PLCG2: variants seen among roughly 807,000 people sequenced by gnomAD.
PLCG2 encodes 1-phosphatidylinositol 4,5-bisphosphate phosphodiesterase gamma-2.
A neutral mutation model predicts 175.6 loss-of-function variants in PLCG2; 69 were observed. That is an observed-to-expected ratio of 0.39 (90% CI 0.32 to 0.48). PLCG2 has a LOEUF of 0.48. Ranked by LOEUF, PLCG2 falls within the 20% of genes least tolerant of loss-of-function variation. PLCG2 has a pLI of 0.91. For synonymous variants in PLCG2, 827 were observed against 624.0 expected (o/e 1.33, Z -4.85); for missense variants, 1,798 against 1,650.9 (o/e 1.09, Z -1.54).
chr16:81,927,134 G>T lies in PLCG2; in HGVS notation c.2470G>T (p.Val824Phe). The T allele has an allele frequency of 6.2e-7, 1 of 1,613,996 alleles. No homozygotes were observed. The change falls in exon 23 of 33, where the codon GTC becomes TTC. Residue 824 changes from valine (V) to phenylalanine (F), a missense_variant. Physicochemically the swap from Val to Phe is conservative, Grantham distance 50 (BLOSUM62 -1). Transcript: ENST00000564138. The stretch of plus-strand genomic sequence containing the variant: ...CCAGCAGTACTTCCCATCCAACTAC[G>T]TCGAGGACATCTCAACTGCAGACTT... ...RIQQYFPSNY[V>F]EDISTADFEE...
chr16:81,797,300 C>G (rs1911513364), intron 2 of PLCG2, among the ~76,000 whole-genome samples: 2 of 152,124 alleles, frequency 1.3e-5, no homozygotes, highest in Admixed American at 1.3e-4. Context: ...AAAATTATCT[C>G]CACTACCTGT....
At chr16:81,836,463 G>A (rs998303005) in intron 2 of PLCG2, among the ~76,000 whole-genome samples, 1 of 152,134 alleles carries the variant, frequency 6.6e-6, no homozygotes, top group Admixed American at 6.5e-5. Flanking sequence ...GCTTTGGGCC[G>A]GGCAAGGTGA....
At chr16:81,876,038 G>GTTTT (rs1567511018) in intron 7 of PLCG2, among the ~76,000 whole-genome samples, 2 of 86,212 alleles carry the variant, frequency 2.3e-5, no homozygotes. Context: ...TTTTTTTTTT[G>GTTTT]TTTTTGAGAC....
chr16:81,884,123 G>A (rs1439971282), intron 9 of PLCG2, among the ~76,000 whole-genome samples: 1 of 152,202 alleles, frequency 6.6e-6, no homozygotes, highest in Non-Finnish European at 1.5e-5. Flanking sequence ...GGCCGAGGCG[G>A]GCGGATCACT....
intron 18 of PLCG2, among the ~76,000 whole-genome samples, chr16:81,911,782 T>G (rs1180896158): frequency 6.8e-6 from 1 of 147,838 alleles, no homozygotes; most frequent in African/African-American, 2.5e-5. Flanking sequence ...GGCTAATTTT[T>G]GTATTTCCTT....
chr16:81,942,648 G>A (rs1910991719), intron 30 of PLCG2, among the ~76,000 whole-genome samples: 1 of 152,140 alleles, frequency 6.6e-6, no homozygotes, highest in Non-Finnish European at 1.5e-5. Context: ...CAGTAATCCT[G>A]TGAAAGGGGT....
chr16:81,793,416 T>A (rs1025731235), intron 2 of PLCG2, among the ~76,000 whole-genome samples: 1 of 152,218 alleles, frequency 6.6e-6, no homozygotes, highest in Non-Finnish European at 1.5e-5. Flanking sequence ...GCTTGGATTT[T>A]GTCTCAGGAG....
At chr16:81,895,734 G>A (rs1908853950) in intron 12 of PLCG2, 73 bp from the exon 13 acceptor site, 4 of 1,572,848 alleles carry the variant, frequency 2.5e-6, no homozygotes, top group Non-Finnish European at 3.5e-6. Flanking sequence ...GAACTGGTGT[G>A]TGGGCCGGGG....
At chr16:81,840,958 G>A (rs1321530174) in intron 2 of PLCG2, among the ~76,000 whole-genome samples, 1 of 152,178 alleles carries the variant, frequency 6.6e-6, no homozygotes, top group Non-Finnish European at 1.5e-5. Context: ...GGGGAGAGAA[G>A]CACCAGTTTC....
At chr16:81,758,170 G>A (rs1157209200) in intron 2 of PLCG2, among the ~76,000 whole-genome samples, 1 of 152,090 alleles carries the variant, frequency 6.6e-6, no homozygotes, top group Non-Finnish European at 1.5e-5. Context: ...CAGAGATGGG[G>A]TTTCGCGGTG....
At chr16:81,804,927 C>G (rs1443905449) in intron 2 of PLCG2, among the ~76,000 whole-genome samples, 1 of 152,182 alleles carries the variant, frequency 6.6e-6, no homozygotes, top group Non-Finnish European at 1.5e-5. Flanking sequence ...TCACATGTAT[C>G]CATGTGATCA....
At chr16:81,887,151 G>T (rs185089332) in intron 9 of PLCG2, among the ~76,000 whole-genome samples, 1 of 149,832 alleles carries the variant, frequency 6.7e-6, no homozygotes, top group Non-Finnish European at 1.5e-5. Flanking sequence ...ATGGAGTCTC[G>T]CTCTGTCACA....
chr16:81,781,677 G>C (rs1209650163), intron 1 of PLCG2, among the ~76,000 whole-genome samples: 3 of 152,296 alleles, frequency 2.0e-5, no homozygotes, highest in South Asian at 2.1e-4. Context: ...AGGTGCAGCA[G>C]TAATGTCCCT....
intron 9 of PLCG2, among the ~76,000 whole-genome samples, chr16:81,888,660 C>T (rs1231910293): frequency 6.6e-6 from 1 of 152,180 alleles, no homozygotes; most frequent in Non-Finnish European, 1.5e-5. Context: ...CGGTATGTAA[C>T]TTGCCCAAGG....
chr16:81,896,932 G>T (rs1235306848), intron 13 of PLCG2, among the ~76,000 whole-genome samples: 2 of 152,214 alleles, frequency 1.3e-5, no homozygotes, highest in Non-Finnish European at 2.9e-5. Context: ...ATCCTTTTCT[G>T]TCCCACCAGA....
At chr16:81,836,691 G>C (rs1272915214) in intron 2 of PLCG2, among the ~76,000 whole-genome samples, 1 of 152,228 alleles carries the variant, frequency 6.6e-6, no homozygotes, top group African/African-American at 2.4e-5. Flanking sequence ...AGTGAGCTGA[G>C]ATTGTGCCAC....
chr16:81,800,688 A>ATTG (rs1009116609), intron 2 of PLCG2, among the ~76,000 whole-genome samples: 2 of 151,800 alleles, frequency 1.3e-5, no homozygotes, highest in Admixed American at 6.6e-5. Flanking sequence ...TATTATTATT[A>ATTG]TTGTTATTTC....
intron 1 of PLCG2, among the ~76,000 whole-genome samples, chr16:81,779,905 A>T (rs1910653648): frequency 6.6e-6 from 1 of 152,064 alleles, no homozygotes; most frequent in African/African-American, 2.4e-5. Flanking sequence ...CTTCCCGGAG[A>T]CTTTTGGAGA....
chr16:81,778,053 A>T (rs796749924), upstream of PLCG2, among the ~76,000 whole-genome samples: 16 of 52,010 alleles, frequency 3.1e-4, 1 homozygote, highest in African/African-American at 1.1e-3. Flanking sequence ...CAAAAAAAAA[A>T]ACAAAAAAAA....
Sources: gnomAD v4.1 joint callset for allele counts (sites outside exome capture counted in the v4.1 genomes callset) on GRCh38, gnomAD v4.1.1 for gene constraint, MANE v1.5 for transcripts, NCBI Gene and HGNC (gene_info 2026-07-23, HGNC 2026-07-21) for gene names.